DCAF5: variants seen among roughly 807,000 people sequenced by gnomAD.
DCAF5 encodes the protein DDB1 and CUL4 associated factor 5.
DCAF5 carries 9 observed loss-of-function variants against 80.7 expected under a neutral mutation model. The observed-to-expected ratio is 0.11, with a 90% confidence interval of 0.07 to 0.19. The LOEUF is 0.19. Ranked by LOEUF, DCAF5 falls within the 10% of genes least tolerant of loss-of-function variation. The pLI is 1.00. For missense variants in DCAF5, 842 were observed against 1,205.7 expected (o/e 0.70, Z 4.47); for synonymous variants, 433 against 461.9 (o/e 0.94, Z 0.80).
chr14:69,058,066 A>G (rs892371996), intron 8 of DCAF5, among the ~76,000 whole-genome samples: 1 of 152,156 alleles, frequency 6.6e-6, no homozygotes, highest in Non-Finnish European at 1.5e-5. Context: ...CCTCAGAGAA[A>G]CTTCTGAACA....
intron 5 of DCAF5, among the ~76,000 whole-genome samples, chr14:69,093,503 T>C (rs2039598985): frequency 6.6e-6 from 1 of 152,206 alleles, no homozygotes. Context: ...GAGTTAATAT[T>C]GAAGGAAGAT....
intron 7 of DCAF5, among the ~76,000 whole-genome samples, chr14:69,063,395 C>T (rs1272145603): frequency 6.6e-6 from 1 of 152,200 alleles, no homozygotes; most frequent in Non-Finnish European, 1.5e-5. Context: ...AAATTCTGAT[C>T]AAGTTCCTTC....
At chr14:69,057,708 AG>A (rs1343646092) in intron 8 of DCAF5, among the ~76,000 whole-genome samples, 1 of 152,210 alleles carries the variant, frequency 6.6e-6, no homozygotes, top group Non-Finnish European at 1.5e-5. Flanking sequence ...CAGGATTAAG[AG>A]GCAGGAGTCT....
intron 6 of DCAF5, chr14:69,083,910 T>C: frequency 1.3e-6 from 1 of 778,356 alleles, no homozygotes; most frequent in Non-Finnish European, 2.4e-6. Context: ...TTGAGGATAC[T>C]TCATTTGCTT....
At position 69,093,947 on chromosome 14, in the gene DCAF5, T is replaced by G. The variant is rs192783394; in HGVS notation, c.666-2060A>C. Among the ~76,000 whole-genome samples the G allele has an allele frequency of 1.1e-4, 16 of 152,170 alleles. No individual in the cohort carries two copies. The East Asian group carries it at 2.9e-3, about 28-fold the overall frequency. ...GCCACACTCTCTTGCATACAGAAAATGAATGACAGGATTGTTAGAGACCAG... is the reference window on the plus strand; with the variant it reads ...GCCACACTCTCTTGCATACAGAAAAGGAATGACAGGATTGTTAGAGACCAG... On this transcript the variant is annotated intron_variant, in intron 5 of 8. Transcript: ENST00000341516.
chr14:69,106,635 G>C (rs1223389996), intron 5 of DCAF5, among the ~76,000 whole-genome samples: 1 of 152,174 alleles, frequency 6.6e-6, no homozygotes, highest in South Asian at 2.1e-4. Context: ...GGCTCCCAAA[G>C]TGCTAGGATT....
At chr14:69,075,011 G>T (rs2038846651) in intron 7 of DCAF5, among the ~76,000 whole-genome samples, 1 of 150,330 alleles carries the variant, frequency 6.7e-6, no homozygotes, top group Non-Finnish European at 1.5e-5. Context: ...TCTGGCTTGG[G>T]CAACAAGAGT....
intron 1 of DCAF5, among the ~76,000 whole-genome samples, chr14:69,125,909 G>C (rs1158628726): frequency 1.3e-5 from 2 of 152,024 alleles, no homozygotes; most frequent in Non-Finnish European, 2.9e-5. Context: ...CATAGTAAAA[G>C]AGGCTTTTAA....
rs758482350 is a variant in DCAF5 at position 69,054,162 on chromosome 14, G to A, written c.2524C>T (p.Pro842Ser). 9.3e-6 allele frequency: 15 copies of A among 1,614,238 alleles called. No individual in the cohort carries two copies. The South Asian group carries it at 1.6e-4, about 18-fold the overall frequency. ...HNNGRLHPRP[P>S]HPHNNGQNLG... Reference sequence around the variant, plus strand: ...TTCTGCCCGTTATTGTGAGGGTGAGGGGGACGAGGGTGTAAGCGTCCATTG... The same window carrying A: ...TTCTGCCCGTTATTGTGAGGGTGAGAGGGACGAGGGTGTAAGCGTCCATTG... The change falls in exon 9 of 9, where the codon CCT becomes TCT. Residue 842 changes from proline (P) to serine (S), a missense_variant. Physicochemically the swap from Pro to Ser is moderately conservative, Grantham distance 74. This residue lies in a region of DCAF5 where 607 missense variants were observed against 656.6 expected (regional missense o/e 0.92). Transcript: ENST00000341516.
intron 5 of DCAF5, among the ~76,000 whole-genome samples, chr14:69,099,441 C>A (rs1479469767): frequency 6.6e-6 from 1 of 152,032 alleles, no homozygotes; most frequent in East Asian, 1.9e-4. Context: ...GCATCTGAGT[C>A]AAAGTCCTCC....
intron 5 of DCAF5, among the ~76,000 whole-genome samples, chr14:69,105,439 T>C (rs1473276225): frequency 6.6e-6 from 1 of 152,202 alleles, no homozygotes; most frequent in African/African-American, 2.4e-5. Context: ...TCAACTTGAC[T>C]GGACTCAGGC....
chr14:69,127,751 G>A (rs1399204319), intron 1 of DCAF5, among the ~76,000 whole-genome samples: 1 of 152,014 alleles, frequency 6.6e-6, no homozygotes, highest in East Asian at 1.9e-4. Flanking sequence ...GGGAATAAGG[G>A]GTACATGGAA....
chr14:69,137,226 G>A (rs1343697972), intron 1 of DCAF5, among the ~76,000 whole-genome samples: 1 of 152,106 alleles, frequency 6.6e-6, no homozygotes, highest in Non-Finnish European at 1.5e-5. Flanking sequence ...TCCTCAAATA[G>A]AGCTGGGGGA....
rs760572996 is a variant in DCAF5 at position 69,118,221 on chromosome 14, G to A, written c.453C>T (p.Ser151=). The change falls in exon 4 of 9, where the codon AGC becomes AGT. Residue 151 remains serine, a synonymous_variant. Coordinates refer to ENST00000341516, the MANE Select transcript of DCAF5 (RefSeq NM_003861.3). This position sits in a 1 kb window ranked among gnomAD's most constrained non-coding sequence, Gnocchi z 4.0. ...TGGCAAAAATGTTGTCATTCACTGG[G>A]CTCACAGACAAGCCATATACTGCAT... The part of the protein sequence containing the change: ...HEDAVYGLSV[S]PVNDNIFASS... 3 of 1,613,904 alleles carry A rather than the reference G, an allele frequency of 1.9e-6. No individual in the cohort carries two copies. The South Asian group carries it at 3.3e-5, about 18-fold the overall frequency.
Position 69,119,169 on chromosome 14 carries a change from C to G in DCAF5, c.395+25G>C, listed in dbSNP as rs2040630840. On this transcript the variant is annotated intron_variant, in intron 3 of 8. Coordinates refer to ENST00000341516, the MANE Select transcript of DCAF5 (RefSeq NM_003861.3). ...ATATATGAAAAACAAAGTCAATCAC[C>G]TTCACACACCACCAATCTATTTACC... The G allele has an allele frequency of 2.5e-6, 4 of 1,609,620 alleles. No individual in the cohort carries two copies. The South Asian group carries it at 3.3e-5, about 13-fold the overall frequency.
intron 1 of DCAF5, among the ~76,000 whole-genome samples, chr14:69,144,760 T>C (rs1412925284): frequency 6.6e-6 from 1 of 152,176 alleles, no homozygotes; most frequent in Admixed American, 6.5e-5. Context: ...CAGCTTTCAA[T>C]TCCTTAGGAC....
chr14:69,067,150 T>C (rs2038476017), intron 7 of DCAF5, among the ~76,000 whole-genome samples: 1 of 152,196 alleles, frequency 6.6e-6, no homozygotes, highest in Admixed American at 6.5e-5. Flanking sequence ...GTCTCCACTG[T>C]ATCCCAAGTC....
chr14:69,069,840 A>G (rs956705435), intron 7 of DCAF5, among the ~76,000 whole-genome samples: 2 of 152,048 alleles, frequency 1.3e-5, no homozygotes, highest in Admixed American at 6.6e-5. Flanking sequence ...GATGGTCTCA[A>G]ACTCCTGAGG....
At chr14:69,075,438 A>T in intron 6 of DCAF5, 27 bp from the exon 7 acceptor site, 9 of 1,360,176 alleles carry the variant, frequency 6.6e-6, no homozygotes, top group African/African-American at 1.4e-5. Context: ...TATATAGATA[A>T]CATTATATAT....
Sources: allele counts gnomAD v4.1 joint callset (sites outside exome capture counted in the v4.1 genomes callset), GRCh38; gene constraint gnomAD v4.1.1; regional missense constraint gnomAD v4.1.1; non-coding constraint Gnocchi (gnomAD v3.1); transcripts MANE v1.5; gene names NCBI Gene and HGNC (gene_info 2026-07-23, HGNC 2026-07-21).